The following CRYBG2 variants were observed in gnomAD, a reference collection of about 807,000 sequenced individuals.
CRYBG2 encodes the protein crystallin beta-gamma domain containing 2.
In CRYBG2, 106 loss-of-function variants were observed where a neutral mutation model predicts 153.4. The ratio of observed to expected loss-of-function variants is 0.69; its 90% CI spans 0.59 to 0.81. CRYBG2 has a LOEUF of 0.81. CRYBG2 is among the 30% of genes least tolerant of loss of function. CRYBG2 has a pLI of 0.00. For missense variants in CRYBG2, 1,996 were observed against 2,112.0 expected, an observed-to-expected ratio of 0.95 and a Z score of 1.08; for synonymous variants, 851 against 877.8, an observed-to-expected ratio of 0.97 and a Z score of 0.54.
rs192936968 is a variant in CRYBG2 at position 26,331,544 on chromosome 1, G to A, written c.4259C>T (p.Thr1420Met). The change falls in exon 15 of 20, where the codon ACG (threonine) becomes ATG (methionine). Residue 1420 changes from threonine (T) to methionine (M), a missense_variant. Physicochemically the swap from Thr to Met is moderately conservative, Grantham distance 81. Transcript: ENST00000308182. ...ILSEGEFPTL[T>M]AMGCLASTVL... ...TGTGGAGGCGAGGCAGCCCATGGCC[G>A]TGAGAGTGGGGAACTCGCCCTCAGA... 1.2e-5 allele frequency: 19 copies of A among 1,614,112 alleles called. No homozygotes were observed. The Admixed American group carries it at 1.5e-4, about 13-fold the overall frequency.
In CRYBG2 at chr1:26,337,167, G is replaced by A. The variant is rs199990062; in HGVS notation, c.3771+86C>T. On this transcript the variant is annotated intron_variant, in intron 10 of 19. Coordinates refer to ENST00000308182, the MANE Select transcript of CRYBG2 (RefSeq NM_001039775.4). Reference sequence around the variant, plus strand: ...CTTACAGGGAGAACACGGAGAGGGGGTACAAATTCTTCCCTCCACAAACTG... The same window carrying A: ...CTTACAGGGAGAACACGGAGAGGGGATACAAATTCTTCCCTCCACAAACTG... The A allele has an allele frequency of 8.2e-6, 13 of 1,582,118 alleles. No individual in the cohort carries two copies. The Admixed American group carries it at 1.7e-4, about 21-fold the overall frequency.
chr1:26,339,569 A>G (rs2074105025), intron 5 of CRYBG2, 140 bp from the exon 6 acceptor site: 2 of 840,846 alleles, frequency 2.4e-6, no homozygotes, highest in Non-Finnish European at 3.6e-6. Flanking sequence ...CAACATGGAG[A>G]AACCCAGTCT....
intron 14 of CRYBG2, among the ~76,000 whole-genome samples, chr1:26,333,282 G>A: frequency 6.6e-6 from 1 of 152,066 alleles, no homozygotes. Context: ...AGAAGAGGAA[G>A]AGGCCGGGTG....
intron 15 of CRYBG2, 50 bp from the exon 16 acceptor site, chr1:26,328,923 A>G: frequency 6.2e-7 from 1 of 1,607,048 alleles, no homozygotes; most frequent in Non-Finnish European, 8.5e-7. Context: ...CCCAAGTCCC[A>G]GACGCAGCCC....
In CRYBG2 at chr1:26,345,655, G is replaced by A; in HGVS notation, c.1003C>T (p.Pro335Ser). ...ACELWQVLGAPSSTELPLQTS... is the reference protein window; with the variant it reads ...ACELWQVLGASSSTELPLQTS... ...TGGAGAGGGAGCTCAGTGGAACTGG[G>A]GGCTCCCAGCACCTGCCAGAGCTCA... The change falls in exon 2 of 20, where the codon CCC (proline) becomes TCC (serine). Residue 335 changes from proline (P) to serine (S), a missense_variant. Pro to Ser is a moderately conservative substitution (Grantham distance 74, BLOSUM62 -1). Transcript: ENST00000308182. The A allele has an allele frequency of 6.3e-7, 1 of 1,598,802 alleles. No individual in the cohort carries two copies. Among genetic ancestry groups the A allele is most frequent in the South Asian group, 1.1e-5 (1 of 91,074 alleles).
intron 14 of CRYBG2, among the ~76,000 whole-genome samples, chr1:26,333,045 A>AAAAAAAAAAAAAAAAAAATC (rs2074016334): frequency 7.2e-6 from 1 of 138,736 alleles, no homozygotes; most frequent in Non-Finnish European, 1.5e-5. Flanking sequence ...AAAAAAAAAA[A>AAAAAAAAAAAAAAAAAAATC]AGATTTCTAA....
chr1:26,341,498 G>T (rs960631915), intron 5 of CRYBG2, among the ~76,000 whole-genome samples: 1 of 152,020 alleles, frequency 6.6e-6, no homozygotes, highest in South Asian at 2.1e-4. Context: ...CACAGCACAT[G>T]AAATTATAAT....
At chr1:26,351,391 T>TTCATTCATTCATTCAATTACTCAC (rs2074285605) in intron 1 of CRYBG2, among the ~76,000 whole-genome samples, 2 of 152,172 alleles carry the variant, frequency 1.3e-5, no homozygotes, top group South Asian at 4.1e-4. Flanking sequence ...CTCTAACTCA[T>TTCATTCATTCATTCAATTACTCAC]TCATTCATTC....
At chr1:26,350,698 G>C (rs1244788859) in intron 1 of CRYBG2, among the ~76,000 whole-genome samples, 1 of 152,198 alleles carries the variant, frequency 6.6e-6, no homozygotes, top group East Asian at 1.9e-4. Flanking sequence ...GTCCTGGAGG[G>C]CGTCTCCACC....
At position 26,336,615 on chromosome 1, in the gene CRYBG2, C is replaced by T; in HGVS notation, c.4029G>A (p.Pro1343=). The T allele has an allele frequency of 1.9e-6, 3 of 1,549,962 alleles. No individual in the cohort carries two copies. Among genetic ancestry groups the T allele is most frequent in the Non-Finnish European group, 2.6e-6 (3 of 1,146,672 alleles). ...CGCGGCCGGCACGCACCTGTAGGAC[C>T]GGCTGCAGCGAGGCGAGGGTGCTGT... is the stretch of plus-strand genomic sequence containing the variant. ...AGNSTLASLQ[P]VLQVGEHDLH... Residue 1343 remains proline (P), a synonymous_variant, in exon 12 of 20, where the codon CCG becomes CCA. Coordinates refer to ENST00000308182, the MANE Select transcript of CRYBG2 (RefSeq NM_001039775.4). This position sits in a 1 kb window ranked among gnomAD's most constrained non-coding sequence, Gnocchi z 4.9.
In CRYBG2 at chr1:26,338,455, A is replaced by T. The variant is rs756199725; in HGVS notation, c.3367T>A (p.Leu1123Ile). ...AGGATGTAGGGAGTGTCTTCGAATA[A>T]TGGTTTGGGGTACAGTAGCCACCTA... Reference protein sequence around the residue: ...AGLWLLYPKPLFEDTPYILEP... With the variant: ...AGLWLLYPKPIFEDTPYILEP... The change falls in exon 7 of 20, where the codon TTA becomes ATA. Residue 1123 changes from leucine to isoleucine, a missense_variant. Coordinates refer to ENST00000308182, the MANE Select transcript of CRYBG2 (RefSeq NM_001039775.4). 1 of 1,612,032 alleles carries T rather than the reference A, an allele frequency of 6.2e-7. No homozygotes were observed. Among genetic ancestry groups the T allele is most frequent in the South Asian group, 1.1e-5 (1 of 90,702 alleles).
At position 26,338,050 on chromosome 1, in the gene CRYBG2, G is replaced by A. The variant is rs373098320; in HGVS notation, c.3472-3C>T. ...GGCTTCTCCACACTTGGGCAGCCCTGCAGAGGAGACAGAGCTGAGACACCA... is the reference window on the plus strand; with the variant it reads ...GGCTTCTCCACACTTGGGCAGCCCTACAGAGGAGACAGAGCTGAGACACCA... On this transcript the variant is annotated splice_polypyrimidine_tract_variant and splice_region_variant and intron_variant, in intron 7 of 19. Transcript: ENST00000308182. 14 of 1,612,548 alleles carry A rather than the reference G, an allele frequency of 8.7e-6. No homozygotes were observed. The African/African-American group carries it at 1.9e-4, about 22-fold the overall frequency.
In CRYBG2 at chr1:26,344,359, A is replaced by T; in HGVS notation, c.2299T>A (p.Phe767Ile). The change falls in exon 2 of 20, where the codon TTC becomes ATC. Residue 767 changes from phenylalanine to isoleucine, a missense_variant. Phe to Ile is a conservative substitution (Grantham distance 21). Coordinates refer to ENST00000308182, the MANE Select transcript of CRYBG2 (RefSeq NM_001039775.4). ...EVALAADLEI[F>I]LDTLRSMEPP... ...TCCATGCTCCGCAGCGTATCCAGGA[A>T]TATCTCCAGGTCAGCGGCCAGGGCC... The T allele has an allele frequency of 6.6e-7, 1 of 1,508,620 alleles. No individual in the cohort carries two copies. Among genetic ancestry groups the T allele is most frequent in the South Asian group, 1.3e-5 (1 of 78,316 alleles). 93.5% of individuals were successfully genotyped at this position (1,508,620 alleles called of 1,614,324 possible). A position where few individuals can be genotyped will look rare whatever the true frequency, so the allele number is the denominator to read the frequency against.
chr1:26,322,535 G>A (rs903289739), intron 18 of CRYBG2, among the ~76,000 whole-genome samples: 15 of 152,168 alleles, frequency 9.9e-5, no homozygotes, highest in Non-Finnish European at 1.5e-4. Context: ...AAACATAAAA[G>A]GGCTGGAAAA....
chr1:26,336,864 CTG>C lies in CRYBG2; in HGVS notation c.3886_3887del (p.Gln1296GlyfsTer31). The C allele has an allele frequency of 1.2e-6, 2 of 1,604,838 alleles. No individual in the cohort carries two copies. Among genetic ancestry groups the C allele is most frequent in the Admixed American group, 3.4e-5 (2 of 58,630 alleles). On this transcript the variant is annotated frameshift_variant, in exon 11 of 20. Coordinates refer to ENST00000308182, the MANE Select transcript of CRYBG2 (RefSeq NM_001039775.4). LOFTEE classifies it high-confidence loss of function. This position sits in a 1 kb window ranked among gnomAD's most constrained non-coding sequence, Gnocchi z 4.9. ...ACACGCCGCTGAGCACGTGGATGGC[CTG>C]TGTGCTGGGGCCGTGTTGCACCAGC... is the stretch of plus-strand genomic sequence containing the variant. Reference protein sequence around the residue: ...VELVQHGPSTQAIHVLSGVWV... With the variant: ...VELVQHGPSTXAIHVLSGVWV...
intron 14 of CRYBG2, among the ~76,000 whole-genome samples, chr1:26,333,047 G>A (rs1388083677): frequency 0.17 from 3,550 of 20,292 alleles, 1 homozygote; most frequent in Non-Finnish European, 0.25. Flanking sequence ...AAAAAAAAAA[G>A]ATTTCTAACA....
chr1:26,344,294 G>A lies in CRYBG2; in HGVS notation c.2364C>T (p.Ala788=), dbSNP rs141153325. The change falls in exon 2 of 20, where the codon GCC becomes GCT. Residue 788 remains alanine, a synonymous_variant. Transcript: ENST00000308182. ...ACATGGACAGGTAGGAGGAGCGAGG[G>A]GCTCGTGGCAGCCGGTGAGTGCGGA... The part of the protein sequence containing the change: ...EILRTHRLPR[A]PRSSYLSMYA... The A allele has an allele frequency of 1.0e-3, 1,510 of 1,513,974 alleles. 11 individuals carry two copies. The African/African-American group carries it at 0.014, about 14-fold the overall frequency. The allele number at this position is 1,513,974 out of a possible 1,614,324, so 93.8% of individuals were successfully genotyped here.
Position 26,345,484 on chromosome 1 carries a change from T to C in CRYBG2, c.1174A>G (p.Lys392Glu). The C allele has an allele frequency of 2.5e-6, 4 of 1,591,756 alleles. No homozygotes were observed. The South Asian group carries it at 4.5e-5, about 18-fold the overall frequency. ...GGGGGGTCCACGGGCCCGTCCTTTT[T>C]TTTAGGGGGCAGAACAAGGGGAGTG... The part of the protein sequence containing the change: ...RLTPLVLPPK[K>E]KDGPVDPPAA... The change falls in exon 2 of 20, where the codon AAA becomes GAA. Residue 392 changes from lysine to glutamate, a missense_variant. Coordinates refer to ENST00000308182, the MANE Select transcript of CRYBG2 (RefSeq NM_001039775.4).
rs144709835 is a variant in CRYBG2 at position 26,321,912 on chromosome 1, A to G, written c.*56T>C. On this transcript the variant is annotated 3_prime_UTR_variant, in exon 20 of 20. Transcript: ENST00000308182. ...TAGCTTATGTTACAACAAAAACCCT[A>G]TAAAAACATTCATCCCAGCAAAAGC... 1.5e-4 allele frequency: 210 copies of G among 1,411,380 alleles called. No individual in the cohort carries two copies. The highest frequency in any genetic ancestry group is 7.3e-4 in the Middle Eastern group (4 of 5,470). The allele number at this position is 1,411,380 out of a possible 1,614,324, so 87.4% of individuals were successfully genotyped here.
Sources: gnomAD v4.1 joint callset for allele counts (sites outside exome capture counted in the v4.1 genomes callset) on GRCh38, gnomAD v4.1.1 for gene constraint, Gnocchi (gnomAD v3.1) non-coding constraint, MANE v1.5 for transcripts, NCBI Gene and HGNC (gene_info 2026-07-23, HGNC 2026-07-21) for gene names.